Variants in CDK8 observed in about 807,000 individuals in gnomAD.
CDK8 encodes the protein cyclin-dependent kinase 8.
CDK8 carries 29 observed loss-of-function variants against 71.5 expected under a neutral mutation model. That is an observed-to-expected ratio of 0.41 (90% CI 0.30 to 0.55). CDK8 has a LOEUF of 0.55. Ranked by LOEUF, CDK8 falls within the 20% of genes least tolerant of loss-of-function variation. The pLI, the probability that CDK8 is intolerant of heterozygous loss-of-function variation, is 0.37. For missense variants in CDK8, 288 were observed against 572.6 expected (o/e 0.50, Z 5.07); for synonymous variants, 161 against 192.1 (o/e 0.84, Z 1.34).
chr13:26,316,002 C>T (rs1011136262), intron 1 of CDK8, among the ~76,000 whole-genome samples: 2 of 152,144 alleles, frequency 1.3e-5, no homozygotes, highest in Admixed American at 6.5e-5. Flanking sequence ...TCACTCTTAG[C>T]ACATTAGTTC....
At chr13:26,313,024 A>T (rs1326963771) in intron 1 of CDK8, among the ~76,000 whole-genome samples, 3 of 152,136 alleles carry the variant, frequency 2.0e-5, no homozygotes, top group African/African-American at 7.2e-5. Context: ...TTTCTCCTGA[A>T]ATCAATTACT....
intron 1 of CDK8, among the ~76,000 whole-genome samples, chr13:26,331,720 A>G (rs1217916019): frequency 6.6e-6 from 1 of 152,062 alleles, no homozygotes; most frequent in East Asian, 1.9e-4. Flanking sequence ...TAGCCTTGTA[A>G]TGTGTTTTGA....
At chr13:26,344,061 GGT>G (rs1873360722) in intron 2 of CDK8, among the ~76,000 whole-genome samples, 1 of 151,840 alleles carries the variant, frequency 6.6e-6, no homozygotes, top group Non-Finnish European at 1.5e-5. Flanking sequence ...TCCCTCCTCT[GGT>G]AGTTCCCAGT....
chr13:26,371,076 A>G (rs1019628111), intron 4 of CDK8, among the ~76,000 whole-genome samples: 6 of 152,082 alleles, frequency 3.9e-5, no homozygotes, highest in Non-Finnish European at 7.4e-5. Flanking sequence ...GCCTTATCCA[A>G]TCATGCATGA....
At chr13:26,312,280 C>G (rs192397110) in intron 1 of CDK8, among the ~76,000 whole-genome samples, 177 of 152,300 alleles carry the variant, frequency 1.2e-3, no homozygotes, top group African/African-American at 4.0e-3. Context: ...AAAAGCTGGC[C>G]ACTTCAGCCA....
At chr13:26,269,368 T>G (rs1234073502) in intron 1 of CDK8, among the ~76,000 whole-genome samples, 1 of 152,210 alleles carries the variant, frequency 6.6e-6, no homozygotes. Flanking sequence ...CTTGAGAATT[T>G]AAACCAGATA....
In CDK8 at chr13:26,362,222, AGATGGATGGATGGATGGATG is replaced by A. The variant is rs66479948; in HGVS notation, c.456+8370_456+8389del. On this transcript the variant is annotated intron_variant, in intron 4 of 12. Coordinates refer to ENST00000381527, the MANE Select transcript of CDK8 (RefSeq NM_001260.3). ...GATGTATGTGTGGATGATAGATGAT[AGATGGATGGATGGATGGATG>A]GATGGATGGATGGATGGATGGATGG... is the stretch of plus-strand genomic sequence containing the variant. Among the ~76,000 whole-genome samples, 142 of 146,772 alleles carry A rather than the reference AGATGGATGGATGGATGGATG, an allele frequency of 9.7e-4. 3 individuals carry two copies. Among genetic ancestry groups the A allele is most frequent in the Admixed American group, 6.8e-4 (10 of 14,698 alleles).
intron 1 of CDK8, among the ~76,000 whole-genome samples, chr13:26,275,444 T>G (rs1008831926): frequency 1.3e-5 from 2 of 152,254 alleles, no homozygotes; most frequent in African/African-American, 4.8e-5. Context: ...GTTTTTCATA[T>G]GGGTCCTACA....
intron 12 of CDK8, among the ~76,000 whole-genome samples, chr13:26,402,399 A>T (rs1876304357): frequency 6.6e-6 from 1 of 152,120 alleles, no homozygotes; most frequent in Admixed American, 6.6e-5. Context: ...TTCTAACCAT[A>T]TTCCCAACTA....
chr13:26,309,619 C>A (rs1874196296), intron 1 of CDK8, among the ~76,000 whole-genome samples: 1 of 151,930 alleles, frequency 6.6e-6, no homozygotes, highest in South Asian at 2.1e-4. Context: ...GATTCCAGAC[C>A]CTCTTTTTCT....
At chr13:26,376,105 CAA>C (rs1874932719) in intron 4 of CDK8, among the ~76,000 whole-genome samples, 1 of 152,120 alleles carries the variant, frequency 6.6e-6, no homozygotes. Context: ...GTAGACAAAG[CAA>C]AGTTAGTTTT....
chr13:26,399,853 G>A (rs1876172552), intron 9 of CDK8, among the ~76,000 whole-genome samples: 2 of 152,182 alleles, frequency 1.3e-5, no homozygotes, highest in African/African-American at 4.8e-5. Context: ...TGGAGCAGTC[G>A]ACTTTCAGAG....
chr13:26,344,146 A>G (rs916661682), intron 2 of CDK8, among the ~76,000 whole-genome samples: 22 of 152,070 alleles, frequency 1.4e-4, no homozygotes, highest in African/African-American at 5.3e-4. Flanking sequence ...AACATGTGGT[A>G]TTTGGTTTTC....
At chr13:26,321,495 C>T (rs906583469) in intron 1 of CDK8, among the ~76,000 whole-genome samples, 2 of 151,866 alleles carry the variant, frequency 1.3e-5, no homozygotes, top group African/African-American at 4.8e-5. Flanking sequence ...GTATTTAATA[C>T]CTTTGAACTG....
rs114326208 is a variant in CDK8, at chr13:26,280,611, G to A, written c.128+25842G>A. Among the ~76,000 whole-genome samples, 966 of 152,334 alleles carry A rather than the reference G, an allele frequency of 6.3e-3. 10 individuals are homozygous for A. Among genetic ancestry groups the A allele is most frequent in the African/African-American group, 0.021 (866 of 41,576 alleles). ...TCTTTTCATATGATTAATGAACAGA[G>A]TATCTTCTTTTGTGAAATACCTGTT... is the stretch of plus-strand genomic sequence containing the variant. On this transcript the variant is annotated intron_variant, in intron 1 of 12. Transcript: ENST00000381527.
intron 4 of CDK8, among the ~76,000 whole-genome samples, chr13:26,370,151 T>A (rs1425822410): frequency 6.6e-6 from 1 of 152,194 alleles, no homozygotes; most frequent in Non-Finnish European, 1.5e-5. Flanking sequence ...GAACATTTCC[T>A]TAATAACTTT....
intron 1 of CDK8, among the ~76,000 whole-genome samples, chr13:26,333,258 G>C (rs191827622): frequency 1.2e-3 from 176 of 151,976 alleles, no homozygotes; most frequent in African/African-American, 4.0e-3. Context: ...TTCTACCTCA[G>C]CTTCCTGAGT....
intron 4 of CDK8, among the ~76,000 whole-genome samples, chr13:26,367,751 A>G (rs1427349704): frequency 6.6e-6 from 1 of 152,194 alleles, no homozygotes; most frequent in East Asian, 1.9e-4. Flanking sequence ...TTACTGAATG[A>G]ATAAGTAGAT....
intron 6 of CDK8, among the ~76,000 whole-genome samples, chr13:26,391,481 G>C (rs1875743389): frequency 6.7e-6 from 1 of 150,178 alleles, no homozygotes; most frequent in Non-Finnish European, 1.5e-5. Flanking sequence ...TTTCTTCTTT[G>C]GAATTTTTAA....
Sources: allele counts gnomAD v4.1 joint callset (sites outside exome capture counted in the v4.1 genomes callset), GRCh38; gene constraint gnomAD v4.1.1; transcripts MANE v1.5; gene names NCBI Gene and HGNC (gene_info 2026-07-23, HGNC 2026-07-21).